AJAP1: variants seen among roughly 807,000 people sequenced by gnomAD.
AJAP1 encodes the protein adherens junctions associated protein 1, also known as adherens junction-associated protein 1.
AJAP1 carries 5 observed loss-of-function variants against 35.0 expected under a neutral mutation model. That is an observed-to-expected ratio of 0.14 (90% confidence interval 0.07 to 0.30). The LOEUF is 0.30. Ranked by LOEUF, AJAP1 falls within the 10% of genes least tolerant of loss-of-function variation. The probability of loss-of-function intolerance (pLI) is 1.00; values close to 1 mark genes in which losing one functional copy is unlikely to be tolerated. For missense variants in AJAP1, 586 were observed against 571.0 expected (o/e 1.03, Z -0.27); for synonymous variants, 284 against 249.3 (o/e 1.14, Z -1.31).
At chr1:4,665,072 C>T (rs976460082) in intron 1 of AJAP1, among the ~76,000 whole-genome samples, 7 of 151,934 alleles carry the variant, frequency 4.6e-5, no homozygotes, top group South Asian at 2.1e-4. Flanking sequence ...AAAAGCCCCA[C>T]GAGAGCTGGT....
At chr1:4,727,129 A>C (rs940028739) in intron 2 of AJAP1, among the ~76,000 whole-genome samples, 3 of 152,220 alleles carry the variant, frequency 2.0e-5, no homozygotes, top group Non-Finnish European at 4.4e-5. Flanking sequence ...GCTGGGGCGC[A>C]CACAGCTCTC....
chr1:4,668,344 G>T lies in AJAP1; in HGVS notation c.29+12890G>T, dbSNP rs530796317. Among the ~76,000 whole-genome samples, 5 of 143,814 alleles carry T rather than the reference G, an allele frequency of 3.5e-5. No homozygotes were observed. The East Asian group carries it at 1.0e-3, about 30-fold the overall frequency. 94.3% of individuals were successfully genotyped at this position (143,814 alleles called of 152,430 possible). A position where few individuals can be genotyped will look rare whatever the true frequency, so the allele number is the denominator to read the frequency against. ...GTGCTGTGTGTGTGTGTGCGTGTGCGTGTGTGTGTGTGTGTGTCTGTGGGT... is the reference window on the plus strand; with the variant it reads ...GTGCTGTGTGTGTGTGTGCGTGTGCTTGTGTGTGTGTGTGTGTCTGTGGGT... On this transcript the variant is annotated intron_variant, in intron 1 of 5. Coordinates refer to ENST00000378191, the MANE Select transcript of AJAP1 (RefSeq NM_018836.4).
At chr1:4,732,311 C>T (rs1299524587) in intron 2 of AJAP1, among the ~76,000 whole-genome samples, 1 of 152,260 alleles carries the variant, frequency 6.6e-6, no homozygotes, top group African/African-American at 2.4e-5. Flanking sequence ...GGCCCTAATG[C>T]CACCATCCTT....
At chr1:4,715,904 T>C (rs1326488232) in intron 2 of AJAP1, among the ~76,000 whole-genome samples, 1 of 152,340 alleles carries the variant, frequency 6.6e-6, no homozygotes, top group East Asian at 1.9e-4. Context: ...ACAGCCAGCT[T>C]TGCCACATAC....
At chr1:4,727,042 G>A (rs766332678) in intron 2 of AJAP1, among the ~76,000 whole-genome samples, 12 of 152,226 alleles carry the variant, frequency 7.9e-5, no homozygotes, top group African/African-American at 2.2e-4. Context: ...CCCCCGCAGC[G>A]AGCCACCTGT....
chr1:4,768,948 G>T (rs979747137), intron 2 of AJAP1, among the ~76,000 whole-genome samples: 1 of 152,212 alleles, frequency 6.6e-6, no homozygotes, highest in African/African-American at 2.4e-5. Context: ...TGTGTCTGTG[G>T]TTAGCGGCAA....
At chr1:4,713,416 C>CT (rs1640313923) in intron 2 of AJAP1, among the ~76,000 whole-genome samples, 1 of 152,240 alleles carries the variant, frequency 6.6e-6, no homozygotes. Flanking sequence ...CCTGTGGACA[C>CT]ACACAGTTCA....
At chr1:4,745,484 G>A (rs971396983) in intron 2 of AJAP1, among the ~76,000 whole-genome samples, 1 of 152,148 alleles carries the variant, frequency 6.6e-6, no homozygotes, top group Non-Finnish European at 1.5e-5. Context: ...ATAAAGCTCC[G>A]CTCCACAGAA....
chr1:4,774,148 A>T (rs1293255793), intron 4 of AJAP1, among the ~76,000 whole-genome samples: 1 of 152,206 alleles, frequency 6.6e-6, no homozygotes, highest in African/African-American at 2.4e-5. Context: ...AAATGTGGAG[A>T]CGGCACAGCC....
At chr1:4,673,769 A>G (rs1639297430) in intron 1 of AJAP1, among the ~76,000 whole-genome samples, 1 of 152,104 alleles carries the variant, frequency 6.6e-6, no homozygotes, top group Non-Finnish European at 1.5e-5. Context: ...TCAATGAATA[A>G]ATGAATTCAT....
intron 1 of AJAP1, among the ~76,000 whole-genome samples, chr1:4,665,404 C>T (rs1190648075): frequency 1.3e-5 from 2 of 152,142 alleles, no homozygotes; most frequent in African/African-American, 4.8e-5. Flanking sequence ...ATTTACTGCC[C>T]ATTACTACCC....
At chr1:4,777,562 C>T (rs557670768) in intron 5 of AJAP1, 15 of 152,272 alleles carry the variant, frequency 9.9e-5, no homozygotes, top group Admixed American at 3.9e-4. Context: ...AAGGGGGCCT[C>T]GAGAGCAGGC....
chr1:4,689,026 C>A (rs1639672281), intron 1 of AJAP1, among the ~76,000 whole-genome samples: 1 of 151,964 alleles, frequency 6.6e-6, no homozygotes, highest in South Asian at 2.1e-4. Flanking sequence ...GTGCTCAGGC[C>A]AAGAGTCTGA....
chr1:4,765,283 G>A (rs1311677653), intron 2 of AJAP1, among the ~76,000 whole-genome samples: 2 of 152,170 alleles, frequency 1.3e-5, no homozygotes, highest in East Asian at 3.8e-4. Flanking sequence ...CTTCCTTGGG[G>A]GCATAGAGAG....
At chr1:4,780,392 C>T (rs138087130) in intron 5 of AJAP1, among the ~76,000 whole-genome samples, 2 of 151,924 alleles carry the variant, frequency 1.3e-5, no homozygotes, top group African/African-American at 2.4e-5. Flanking sequence ...ATACAGCATT[C>T]GTCTCTACAT....
In AJAP1 at chr1:4,784,035, G is replaced by T. The variant is rs1156703198; in HGVS notation, c.*1550G>T. On this transcript the variant is annotated 3_prime_UTR_variant, in exon 6 of 6. Transcript: ENST00000378191. ...GCCTCGGCAAAGATGCCGTTCTCCCGTCAGCTTCCATTGGCCGATGGATGT... is the reference window on the plus strand; with the variant it reads ...GCCTCGGCAAAGATGCCGTTCTCCCTTCAGCTTCCATTGGCCGATGGATGT... The T allele has an allele frequency of 6.6e-6, 1 of 152,166 alleles. No homozygotes were observed. The highest frequency in any genetic ancestry group is 1.5e-5 in the Non-Finnish European group (1 of 68,030). 9.4% of individuals were successfully genotyped at this position (152,166 alleles called of 1,614,324 possible).
At chr1:4,778,391 G>A (rs1018234189) in intron 5 of AJAP1, among the ~76,000 whole-genome samples, 4 of 152,282 alleles carry the variant, frequency 2.6e-5, no homozygotes, top group South Asian at 2.1e-4. Context: ...TAAGTGTGGC[G>A]CAGAAAAACA....
chr1:4,737,421 G>T (rs1336074545), intron 2 of AJAP1, among the ~76,000 whole-genome samples: 1 of 151,706 alleles, frequency 6.6e-6, no homozygotes, highest in Non-Finnish European at 1.5e-5. Flanking sequence ...TTTTTTCTGG[G>T]GCTCGTGTTG....
chr1:4,745,523 T>C (rs1641169173), intron 2 of AJAP1, among the ~76,000 whole-genome samples: 1 of 152,190 alleles, frequency 6.6e-6, no homozygotes, highest in Non-Finnish European at 1.5e-5. Context: ...TAAGCCAGCC[T>C]CCATTTCCTC....
Sources: allele counts gnomAD v4.1 joint callset (sites outside exome capture counted in the v4.1 genomes callset), GRCh38; gene constraint gnomAD v4.1.1; transcripts MANE v1.5; gene names NCBI Gene and HGNC (gene_info 2026-07-23, HGNC 2026-07-21).